AGT: variants seen among roughly 807,000 people sequenced by gnomAD.
AGT encodes the protein alpha-1 antiproteinase, antitrypsin.
In AGT, 26 loss-of-function variants were observed where a neutral mutation model predicts 28.1. The observed-to-expected ratio is 0.92, with a 90% confidence interval of 0.68 to 1.28. The LOEUF (loss-of-function observed/expected upper bound fraction) is 1.28, where lower values mean the gene tolerates loss of function less well. Among genes scored for constraint, AGT ranks in the 50% most tolerant of loss-of-function variants. The pLI, the probability that AGT is intolerant of heterozygous loss-of-function variation, is 0.00. For missense variants in AGT, 596 were observed against 592.3 expected (o/e 1.01, Z -0.06); for synonymous variants, 259 against 259.6 (o/e 1.00, Z 0.02).
At position 230,710,578 on chromosome 1, in the gene AGT, G is replaced by A. The variant is rs11568052; in HGVS notation, c.246C>T (p.Val82=). Residue 82 remains valine, a synonymous_variant, in exon 2 of 5, where the codon GTC becomes GTT. Transcript: ENST00000366667. The part of the protein sequence containing the change: ...EKALQDQLVL[V]AAKLDTEDKL... ...TGTCTTCGGTGTCAAGTTTTGCAGC[G>A]ACTAGCACCAGCTGGTCCTGTAGGG... 2,096 of 1,614,250 alleles carry A rather than the reference G, an allele frequency of 1.3e-3. 24 individuals carry two copies. Among genetic ancestry groups the A allele is most frequent in the South Asian group, 2.6e-4 (24 of 91,080 alleles).
intron 1 of AGT, among the ~76,000 whole-genome samples, chr1:230,724,961 C>T (rs1409689609): frequency 1.3e-5 from 2 of 152,150 alleles, no homozygotes; most frequent in East Asian, 3.9e-4. Flanking sequence ...AGAAAACTCA[C>T]AGTAGCAGAA....
rs1664014083 is a variant in AGT at position 230,729,665 on chromosome 1, T to TCACA, written c.-31+15849_-31+15850insTGTG. On this transcript the variant is annotated intron_variant, in intron 1 of 4. Transcript: ENST00000681269. ...AAAACTGCCTCCTGTCACAAAGATG[T>TCACA]AAGAAGCTTGTTTTTCTCTAGATAA... Among the ~76,000 whole-genome samples, 6 of 152,252 alleles carry TCACA rather than the reference T, an allele frequency of 3.9e-5. No individual in the cohort carries two copies. The South Asian group carries it at 1.2e-3, about 32-fold the overall frequency.
At chr1:230,716,173 G>T (rs1663731625), upstream of AGT, among the ~76,000 whole-genome samples, 1 of 152,146 alleles carries the variant, frequency 6.6e-6, no homozygotes, top group African/African-American at 2.4e-5. Context: ...TCTACGTAAG[G>T]CTTTAAAGCT....
Position 230,710,846 on chromosome 1 carries a change from C to A in AGT, c.-23G>T, listed in dbSNP as rs61731498. On this transcript the variant is annotated 5_prime_UTR_variant, in exon 2 of 5. Transcript: ENST00000366667. ...CATCTCAGACTGGGGTGCTCGCTTC[C>A]GCATACCCTGAAATATCATTTTGCA... The A allele has an allele frequency of 6.2e-7, 1 of 1,612,858 alleles. No homozygotes were observed. Among genetic ancestry groups the A allele is most frequent in the African/African-American group, 1.3e-5 (1 of 75,034 alleles).
chr1:230,712,451 C>T (rs1663622292), intron 1 of AGT, among the ~76,000 whole-genome samples: 3 of 152,190 alleles, frequency 2.0e-5, no homozygotes. Flanking sequence ...CAGGAAGAGC[C>T]ACATGACATG....
chr1:230,735,034 C>T (rs924963023), intron 1 of AGT, among the ~76,000 whole-genome samples: 1 of 152,058 alleles, frequency 6.6e-6, no homozygotes, highest in African/African-American at 2.4e-5. Flanking sequence ...GTGTTTATCC[C>T]TGGAGGAGAG....
At chr1:230,744,978 A>T (rs1000936083) in intron 1 of AGT, among the ~76,000 whole-genome samples, 25 of 152,130 alleles carry the variant, frequency 1.6e-4, no homozygotes, top group African/African-American at 5.3e-4. Context: ...CTGTCTCCCT[A>T]GGTTGCCCTC....
chr1:230,705,775 G>A (rs1176560411), intron 3 of AGT, among the ~76,000 whole-genome samples, 158 bp downstream of exon 3: 1 of 152,164 alleles, frequency 6.6e-6, no homozygotes, highest in Non-Finnish European at 1.5e-5. Flanking sequence ...AGGACTGGTA[G>A]ACAGACACAC....
At chr1:230,729,962 C>T (rs1664021560) in intron 1 of AGT, among the ~76,000 whole-genome samples, 1 of 151,752 alleles carries the variant, frequency 6.6e-6, no homozygotes, top group Non-Finnish European at 1.5e-5. Flanking sequence ...GAGATCGAAA[C>T]CATCCTGGCT....
At chr1:230,724,775 A>C (rs1020509366) in intron 1 of AGT, among the ~76,000 whole-genome samples, 15 of 152,332 alleles carry the variant, frequency 9.8e-5, no homozygotes, top group Admixed American at 9.2e-4. Flanking sequence ...GCAGTGAGCC[A>C]TGATCATGCC....
chr1:230,709,929 G>A, intron 2 of AGT, 66 bp downstream of exon 2: 1 of 1,607,724 alleles, frequency 6.2e-7, no homozygotes, highest in Non-Finnish European at 8.5e-7. Context: ...GGCCTGACTG[G>A]CTGATCTCAG....
chr1:230,717,278 G>C (rs1663757017), upstream of AGT, among the ~76,000 whole-genome samples: 1 of 151,906 alleles, frequency 6.6e-6, no homozygotes. Context: ...GGATGATGAC[G>C]TTTGGGATCA....
intron 2 of AGT, 88 bp downstream of exon 2, chr1:230,709,907 G>C (rs1006175018): frequency 6.3e-7 from 1 of 1,583,000 alleles, no homozygotes; most frequent in Non-Finnish European, 8.7e-7. Flanking sequence ...GCTGCCCCCT[G>C]CCCATCTCCA....
chr1:230,704,201 C>T lies in AGT; in HGVS notation c.1234G>A (p.Val412Met), dbSNP rs61751067. 3.3e-5 allele frequency: 54 copies of T among 1,614,146 alleles called. No homozygotes were observed. The highest frequency in any genetic ancestry group is 1.7e-4 in the Admixed American group (10 of 60,016). ...LQKLSNDRIR[V>M]GEVLNSIFFE... ...CACAGGCTCACACATACCTCCCCCA[C>T]CCTGATGCGGTCATTGCTCAATTTT... The change falls in exon 4 of 5, where the codon GTG becomes ATG. Residue 412 changes from valine (V) to methionine (M), a missense_variant. Val to Met is a conservative substitution (Grantham distance 21, BLOSUM62 1). Transcript: ENST00000366667.
intron 2 of AGT, among the ~76,000 whole-genome samples, chr1:230,707,833 C>T (rs1233616542): frequency 6.6e-6 from 1 of 152,158 alleles, no homozygotes; most frequent in Non-Finnish European, 1.5e-5. Flanking sequence ...CATTCTCATC[C>T]GGAGGCTAGG....
At chr1:230,723,761 T>A (rs1189982265) in intron 1 of AGT, among the ~76,000 whole-genome samples, 2 of 152,228 alleles carry the variant, frequency 1.3e-5, no homozygotes, top group Non-Finnish European at 2.9e-5. Flanking sequence ...CTTCTCTTTG[T>A]CCACTCTCAA....
intron 1 of AGT, among the ~76,000 whole-genome samples, chr1:230,734,866 C>T (rs1015395344): frequency 1.6e-4 from 24 of 151,966 alleles, no homozygotes; most frequent in African/African-American, 4.4e-4. Context: ...CCTGCCACCA[C>T]GCCTGGCTAA....
At chr1:230,718,494 A>G (rs141709707), upstream of AGT, among the ~76,000 whole-genome samples, 466 of 152,026 alleles carry the variant, frequency 3.1e-3, 3 homozygotes, top group Non-Finnish European at 4.2e-3. Context: ...TTCATCGTAT[A>G]TATCTGCTGC....
chr1:230,726,132 C>A (rs1414266921), intron 1 of AGT, among the ~76,000 whole-genome samples: 1 of 152,164 alleles, frequency 6.6e-6, no homozygotes, highest in Non-Finnish European at 1.5e-5. Flanking sequence ...TTGAATGGAT[C>A]CCTGGATCTT....
Sources: gnomAD v4.1 joint callset for allele counts (sites outside exome capture counted in the v4.1 genomes callset) on GRCh38, gnomAD v4.1.1 for gene constraint, MANE v1.5 for transcripts, NCBI Gene and HGNC (gene_info 2026-07-23, HGNC 2026-07-21) for gene names.